Variants in WDR27 observed in about 807,000 individuals in gnomAD.
WDR27 encodes WD repeat-containing protein 27.
Under a neutral mutation model 114.4 loss-of-function variants are expected in WDR27, and 100 were observed. That is an observed-to-expected ratio of 0.87 (90% CI 0.74 to 1.03). The LOEUF (loss-of-function observed/expected upper bound fraction) is 1.03, where lower values mean the gene tolerates loss of function less well. Ranked by LOEUF, WDR27 falls within the 50% of genes least tolerant of loss-of-function variation. The pLI is 0.00. For missense variants in WDR27, 1,129 were observed against 1,092.9 expected, an observed-to-expected ratio of 1.03 and a Z score of -0.47; for synonymous variants, 449 against 423.1, an observed-to-expected ratio of 1.06 and a Z score of -0.75.
At chr6:169,652,732 C>T (rs1822943039) in intron 13 of WDR27, among the ~76,000 whole-genome samples, 1 of 152,192 alleles carries the variant, frequency 6.6e-6, no homozygotes, top group Non-Finnish European at 1.5e-5. Flanking sequence ...AAAACATCAA[C>T]ATGTTAAAAT....
At chr6:169,445,733 C>T in the WDR27 span, among the ~76,000 whole-genome samples, 1 of 152,284 alleles carries the variant, frequency 6.6e-6, no homozygotes, top group Non-Finnish European at 1.5e-5. Flanking sequence ...ACTGCACCTG[C>T]GCTCTGCAGT....
intron 25 of WDR27, among the ~76,000 whole-genome samples, chr6:169,468,614 T>C (rs1391448984): frequency 2.6e-5 from 4 of 151,834 alleles, no homozygotes; most frequent in African/African-American, 7.2e-5. Context: ...CAGTTCAAGA[T>C]GAGATTTGGG....
chr6:169,427,951 C>G, the WDR27 span, among the ~76,000 whole-genome samples: 1 of 152,132 alleles, frequency 6.6e-6, no homozygotes, highest in African/African-American at 2.4e-5. Flanking sequence ...TCACAGCAGG[C>G]TTTCAGCGGG....
intron 25 of WDR27, among the ~76,000 whole-genome samples, chr6:169,560,272 T>C (rs1319095701): frequency 2.0e-5 from 3 of 152,320 alleles, no homozygotes; most frequent in Admixed American, 2.0e-4. Context: ...CCTGCCACCA[T>C]GTAAAAAGTG....
At chr6:169,700,792 C>T (rs901386881) in intron 1 of WDR27, among the ~76,000 whole-genome samples, 1 of 152,198 alleles carries the variant, frequency 6.6e-6, no homozygotes, top group African/African-American at 2.4e-5. Flanking sequence ...CAATACAAAA[C>T]ATTTAAACAA....
In WDR27 at chr6:169,684,108, C is replaced by T. The variant is rs1036528624; in HGVS notation, c.189+4709G>A. Among the ~76,000 whole-genome samples, 7 of 152,128 alleles carry T rather than the reference C, an allele frequency of 4.6e-5. No homozygotes were observed. The highest frequency in any genetic ancestry group is 3.2e-3 in the Middle Eastern group (1 of 316). ...GTTGCATGGAGCCTGGGACCAGGAT[C>T]GGCTGTTGAGACTGGCCCTGCACAA... On this transcript the variant is annotated intron_variant, in intron 2 of 25. Transcript: ENST00000448612. The surrounding 1 kb of genome is among the most constrained non-coding windows in gnomAD (Gnocchi z 4.3).
At chr6:169,661,378 A>G (rs984627730) in intron 9 of WDR27, among the ~76,000 whole-genome samples, 49 of 152,254 alleles carry the variant, frequency 3.2e-4, no homozygotes, top group African/African-American at 1.2e-3. Flanking sequence ...GTTAATACCA[A>G]TGCCAACGGG....
In WDR27 at chr6:169,662,408, G is replaced by C. The variant is rs750416880; in HGVS notation, c.921C>G (p.Pro307=). The C allele has an allele frequency of 2.5e-6, 4 of 1,613,982 alleles. No homozygotes were observed. Among genetic ancestry groups the C allele is most frequent in the Non-Finnish European group, 3.4e-6 (4 of 1,179,868 alleles). ...CTCCTTTTCCCAGAGCACTTGTAGA[G>C]GGAAGCTGGCTTTCTTCTAGGGACA... ...LCSQPEESQL[P]STSALGKGEQ... Residue 307 remains proline (P), a synonymous_variant, in exon 9 of 26, where the codon CCC becomes CCG. Coordinates refer to ENST00000448612, the MANE Select transcript of WDR27 (RefSeq NM_182552.5).
At chr6:169,464,287 G>A (rs1785268323) in intron 25 of WDR27, among the ~76,000 whole-genome samples, 1 of 152,130 alleles carries the variant, frequency 6.6e-6, no homozygotes, top group Non-Finnish European at 1.5e-5. Context: ...ATGGAGAAAA[G>A]ACAACCTTTA....
chr6:169,673,245 A>C (rs1459132777), intron 2 of WDR27, among the ~76,000 whole-genome samples: 3 of 152,146 alleles, frequency 2.0e-5, no homozygotes, highest in Non-Finnish European at 4.4e-5. Flanking sequence ...GGGGGTCCAT[A>C]GTAAGCTGAG....
chr6:169,688,767 G>A (rs369053369), intron 2 of WDR27, 50 bp downstream of exon 2: 8 of 1,446,036 alleles, frequency 5.5e-6, no homozygotes, highest in Non-Finnish European at 5.5e-6. Context: ...AAGACATGGA[G>A]AGACAAGGGC....
At chr6:169,654,508 A>C (rs1823456862) in intron 13 of WDR27, among the ~76,000 whole-genome samples, 1 of 152,226 alleles carries the variant, frequency 6.6e-6, no homozygotes, top group African/African-American at 2.4e-5. Context: ...ACGCAAACGA[A>C]ATCATAAGAC....
At chr6:169,466,947 T>G (rs1281763522) in intron 25 of WDR27, among the ~76,000 whole-genome samples, 1 of 152,176 alleles carries the variant, frequency 6.6e-6, no homozygotes, top group East Asian at 1.9e-4. Flanking sequence ...GCAAGTTAGT[T>G]ACTTCCCAGA....
chr6:169,553,871 G>A (rs931007043), intron 25 of WDR27, among the ~76,000 whole-genome samples: 1 of 152,214 alleles, frequency 6.6e-6, no homozygotes, highest in Non-Finnish European at 1.5e-5. Flanking sequence ...TGGAGTGAGA[G>A]AAAGAATGCT....
chr6:169,444,234 C>A, the WDR27 span, among the ~76,000 whole-genome samples: 1 of 152,290 alleles, frequency 6.6e-6, no homozygotes, highest in African/African-American at 2.4e-5. Context: ...AGTCTGCTAC[C>A]CACTCCATCA....
intron 25 of WDR27, among the ~76,000 whole-genome samples, chr6:169,549,405 C>T (rs1490157274): frequency 2.0e-5 from 3 of 152,200 alleles, no homozygotes; most frequent in African/African-American, 7.2e-5. Flanking sequence ...GCAACAGGAA[C>T]TCCCATTCAT....
intron 1 of WDR27, among the ~76,000 whole-genome samples, chr6:169,701,056 A>G (rs935801271): frequency 5.3e-5 from 8 of 152,254 alleles, no homozygotes; most frequent in African/African-American, 1.9e-4. Flanking sequence ...AGTAAACACA[A>G]GATAGTAATC....
At chr6:169,567,124 G>A (rs1314207478) in intron 25 of WDR27, among the ~76,000 whole-genome samples, 2 of 152,198 alleles carry the variant, frequency 1.3e-5, no homozygotes, top group African/African-American at 4.8e-5. Flanking sequence ...TTGGAAATGA[G>A]TCAGGCACTT....
At chr6:169,597,289 CT>C (rs1806997056) in intron 23 of WDR27, among the ~76,000 whole-genome samples, 2 of 152,064 alleles carry the variant, frequency 1.3e-5, no homozygotes, top group South Asian at 4.1e-4. Context: ...AAAACCTTGT[CT>C]GCTAAGTCCA....
Sources: allele counts gnomAD v4.1 joint callset (sites outside exome capture counted in the v4.1 genomes callset), GRCh38; gene constraint gnomAD v4.1.1; non-coding constraint Gnocchi (gnomAD v3.1); transcripts MANE v1.5; gene names NCBI Gene and HGNC (gene_info 2026-07-23, HGNC 2026-07-21).